CD109: variants seen among roughly 807,000 people sequenced by gnomAD.
CD109 encodes CD109 antigen.
In CD109, 149 loss-of-function variants were observed where a neutral mutation model predicts 165.8. The observed-to-expected ratio is 0.90, with a 90% confidence interval of 0.79 to 1.03. CD109 has a LOEUF of 1.03. Ranked by LOEUF, CD109 falls within the 50% of genes least tolerant of loss-of-function variation. The pLI, the probability that CD109 is intolerant of heterozygous loss-of-function variation, is 0.00. For missense variants in CD109, 1,712 were observed against 1,677.8 expected, an observed-to-expected ratio of 1.02 and a Z score of -0.36; for synonymous variants, 585 against 592.1, an observed-to-expected ratio of 0.99 and a Z score of 0.18.
rs1376988640 is a variant in CD109 at position 73,787,283 on chromosome 6, C to T, written c.2387C>T (p.Ser796Leu). 2 of 1,613,894 alleles carry T rather than the reference C, an allele frequency of 1.2e-6. No individual in the cohort carries two copies. Among genetic ancestry groups the T allele is most frequent in the Non-Finnish European group, 1.7e-6 (2 of 1,179,838 alleles). The change falls in exon 21 of 33, where the codon TCA becomes TTA. Residue 796 changes from serine to leucine, a missense_variant. Physicochemically the swap from Ser to Leu is moderately radical, Grantham distance 145. Coordinates refer to ENST00000287097, the MANE Select transcript of CD109 (RefSeq NM_133493.5). Reference sequence around the variant, plus strand: ...GACAAATTTGATATTCTAATGACTTCAAATGAAATAAATGCCACAGGCCAC... The same window carrying T: ...GACAAATTTGATATTCTAATGACTTTAAATGAAATAAATGCCACAGGCCAC... Reference protein sequence around the residue: ...KSDKFDILMTSNEINATGHQQ... With the variant: ...KSDKFDILMTLNEINATGHQQ...
rs914378428 is a variant in CD109 at position 73,762,820 on chromosome 6, A to G, written c.935A>G (p.Tyr312Cys). ...VMDSSNGLSE[Y>C]LDLSSPGPVE... is the part of the protein sequence containing the mutation. ...GATTCTTCAAATGGACTTTCTGAATACCTGGATCTATCTTCCCCTGGACCA... is the reference window on the plus strand; with the variant it reads ...GATTCTTCAAATGGACTTTCTGAATGCCTGGATCTATCTTCCCCTGGACCA... The change falls in exon 9 of 33, where the codon TAC becomes TGC. Residue 312 changes from tyrosine (Y) to cysteine (C), a missense_variant. Transcript: ENST00000287097. The G allele has an allele frequency of 3.7e-6, 6 of 1,612,582 alleles. No homozygotes were observed.
At chr6:73,791,192 C>CATATATAT (rs58117133) in intron 22 of CD109, among the ~76,000 whole-genome samples, 4 of 69,212 alleles carry the variant, frequency 5.8e-5, no homozygotes, top group East Asian at 5.2e-4. Context: ...CACACACATA[C>CATATATAT]ATATATATAT....
intron 5 of CD109, among the ~76,000 whole-genome samples, chr6:73,753,266 A>G (rs1256709715): frequency 6.6e-6 from 1 of 152,318 alleles, no homozygotes; most frequent in East Asian, 1.9e-4. Context: ...AAGTTTGCAG[A>G]TCCCTGTTCT....
intron 2 of CD109, among the ~76,000 whole-genome samples, chr6:73,721,319 G>C (rs1373176084): frequency 6.6e-6 from 1 of 151,984 alleles, no homozygotes; most frequent in Non-Finnish European, 1.5e-5. Flanking sequence ...AAGAGTATAT[G>C]AGACCATTTA....
At chr6:73,802,473 C>A (rs149584694) in intron 23 of CD109, among the ~76,000 whole-genome samples, 8 of 151,328 alleles carry the variant, frequency 5.3e-5, no homozygotes, top group African/African-American at 1.9e-4. Context: ...ATAGAAAATA[C>A]TTTTATTTTC....
chr6:73,773,009 A>G (rs1329949042), intron 15 of CD109, among the ~76,000 whole-genome samples: 1 of 151,086 alleles, frequency 6.6e-6, no homozygotes, highest in Non-Finnish European at 1.5e-5. Context: ...ATTTAACTGA[A>G]TATAATAGTA....
At chr6:73,756,561 T>A (rs1262643112) in intron 5 of CD109, 82 bp from the exon 6 acceptor site, 2 of 871,820 alleles carry the variant, frequency 2.3e-6, no homozygotes, top group East Asian at 5.7e-5. Flanking sequence ...TTTTCTAAAT[T>A]GTTTTATGCA....
intron 23 of CD109, among the ~76,000 whole-genome samples, chr6:73,802,305 A>ATATATATATAT (rs1554183463): frequency 4.6e-4 from 22 of 47,616 alleles, no homozygotes; most frequent in East Asian, 1.4e-3. Flanking sequence ...ATATATATAT[A>ATATATATATAT]TTTTTTTTTT....
intron 5 of CD109, among the ~76,000 whole-genome samples, chr6:73,741,019 G>A (rs140225211): frequency 1.4e-3 from 207 of 151,788 alleles, no homozygotes; most frequent in Middle Eastern, 6.9e-3. Context: ...CTGCCACCTT[G>A]GTTTTCCATC....
chr6:73,802,305 A>ATATATATATATATTTTTTTT (rs1554183463), intron 23 of CD109, among the ~76,000 whole-genome samples: 2 of 47,608 alleles, frequency 4.2e-5, no homozygotes, highest in African/African-American at 1.7e-4. Flanking sequence ...ATATATATAT[A>ATATATATATATATTTTTTTT]TTTTTTTTTT....
At chr6:73,736,280 C>G in intron 4 of CD109, 103 bp from the exon 5 acceptor site, 3 of 1,273,632 alleles carry the variant, frequency 2.4e-6, no homozygotes, top group Non-Finnish European at 3.2e-6. Context: ...GAGTAAAGTT[C>G]TGGACCTGGG....
At chr6:73,693,738 A>G (rs1341698274), upstream of CD109, among the ~76,000 whole-genome samples, 2 of 151,914 alleles carry the variant, frequency 1.3e-5, no homozygotes. Flanking sequence ...TTTAGTAGAG[A>G]CAGGGTTTCA....
chr6:73,823,033 C>T (rs549672602), intron 32 of CD109, among the ~76,000 whole-genome samples: 1 of 152,224 alleles, frequency 6.6e-6, no homozygotes, highest in South Asian at 2.1e-4. Flanking sequence ...TACTAGAGCC[C>T]AGGGTAAATG....
intron 13 of CD109, 66 bp from the exon 14 acceptor site, chr6:73,767,989 A>G (rs761837534): frequency 5.4e-6 from 7 of 1,296,864 alleles, no homozygotes; most frequent in African/African-American, 1.5e-5. Flanking sequence ...ATTATGATTA[A>G]TGTAGCTTCA....
chr6:73,784,650 C>T (rs1414503092), intron 19 of CD109, among the ~76,000 whole-genome samples: 1 of 152,178 alleles, frequency 6.6e-6, no homozygotes, highest in Non-Finnish European at 1.5e-5. Context: ...CTGGCCTAAA[C>T]TAACCCAGGT....
At chr6:73,792,522 C>A in intron 22 of CD109, 104 bp from the exon 23 acceptor site, 1 of 952,940 alleles carries the variant, frequency 1.0e-6, no homozygotes. Context: ...AATGATATTG[C>A]TTCAATGACA....
intron 9 of CD109, 110 bp downstream of exon 9, chr6:73,762,992 G>T (rs1186837960): frequency 1.6e-5 from 15 of 963,080 alleles, no homozygotes; most frequent in Non-Finnish European, 2.1e-5. Context: ...TTCTAAAGAT[G>T]CTATTTAATG....
At chr6:73,725,494 T>G (rs12530219) in intron 3 of CD109, among the ~76,000 whole-genome samples, 6,734 of 129,968 alleles carry the variant, frequency 0.052, 181 homozygotes, top group Middle Eastern at 0.081. Context: ...GAAATTTGTC[T>G]ACTACACTTC....
intron 5 of CD109, among the ~76,000 whole-genome samples, chr6:73,742,023 C>T (rs190182864): frequency 7.2e-5 from 11 of 152,208 alleles, no homozygotes; most frequent in East Asian, 3.9e-4. Flanking sequence ...ATACACATAA[C>T]GTAAAATTTG....
Sources: gnomAD v4.1 joint callset for allele counts (sites outside exome capture counted in the v4.1 genomes callset) on GRCh38, gnomAD v4.1.1 for gene constraint, MANE v1.5 for transcripts, NCBI Gene and HGNC (gene_info 2026-07-23, HGNC 2026-07-21) for gene names.